MECOM: variants seen among roughly 807,000 people sequenced by gnomAD.
The protein encoded by MECOM is MDS1 and EVI1 complex locus.
A neutral mutation model predicts 116.3 loss-of-function variants in MECOM; 13 were observed. That is an observed-to-expected ratio of 0.11 (90% CI 0.07 to 0.18). The LOEUF is 0.18. Ranked by LOEUF, MECOM falls within the 10% of genes least tolerant of loss-of-function variation. The pLI, the probability that MECOM is intolerant of heterozygous loss-of-function variation, is 1.00. For missense variants in MECOM, 1,299 were observed against 1,509.0 expected, an observed-to-expected ratio of 0.86 and a Z score of 2.31; for synonymous variants, 528 against 535.2, an observed-to-expected ratio of 0.99 and a Z score of 0.19.
At chr3:169,536,122 T>C (rs1336752603) in intron 1 of MECOM, among the ~76,000 whole-genome samples, 1 of 152,148 alleles carries the variant, frequency 6.6e-6, no homozygotes, top group African/African-American at 2.4e-5. Flanking sequence ...CCTTGTTCTG[T>C]GCCTTGCCTT....
At chr3:169,197,764 G>C (rs1466411362) in intron 2 of MECOM, among the ~76,000 whole-genome samples, 2 of 151,880 alleles carry the variant, frequency 1.3e-5, no homozygotes, top group Non-Finnish European at 2.9e-5. Flanking sequence ...AAAGAATAAG[G>C]GTTAAAGATT....
intron 2 of MECOM, among the ~76,000 whole-genome samples, chr3:169,200,756 G>A (rs749272630): frequency 1.6e-4 from 24 of 151,924 alleles, no homozygotes; most frequent in African/African-American, 3.1e-4. Flanking sequence ...CTATCTGCCC[G>A]GGACTGAGCT....
chr3:169,298,426 T>C (rs1716053090), intron 2 of MECOM, among the ~76,000 whole-genome samples: 1 of 151,852 alleles, frequency 6.6e-6, no homozygotes, highest in African/African-American at 2.4e-5. Context: ...TTTATATTGA[T>C]AACATTTCAT....
chr3:169,564,260 A>G (rs942105277), intron 1 of MECOM, among the ~76,000 whole-genome samples: 4 of 152,222 alleles, frequency 2.6e-5, no homozygotes, highest in Non-Finnish European at 1.5e-5. Flanking sequence ...TGTCACATAT[A>G]TGAACCAGCC....
At position 169,516,772 on chromosome 3, in the gene MECOM, G is replaced by A. The variant is rs534461847; in HGVS notation, c.38-135248C>T. Among the ~76,000 whole-genome samples the A allele has an allele frequency of 3.0e-4, 45 of 152,254 alleles. 1 individual carries two copies. In the East Asian group the frequency reaches 4.2e-3, roughly 14 times the overall value. On this transcript the variant is annotated intron_variant, in intron 1 of 16. Transcript: ENST00000651503. ...TTTCCAAAGTCAAATAGATATGAGCGTCTTCCTGGGGAATTCATATTTTCC... is the reference window on the plus strand; with the variant it reads ...TTTCCAAAGTCAAATAGATATGAGCATCTTCCTGGGGAATTCATATTTTCC...
chr3:169,259,947 C>A (rs1162539142), intron 2 of MECOM, among the ~76,000 whole-genome samples: 4 of 152,080 alleles, frequency 2.6e-5, no homozygotes, highest in Admixed American at 2.6e-4. Flanking sequence ...TCTTTCTGAC[C>A]CAGTTTCCTC....
intron 1 of MECOM, among the ~76,000 whole-genome samples, chr3:169,470,820 AAAAAAATGTCT>A (rs1306165823): frequency 6.6e-6 from 1 of 152,226 alleles, no homozygotes; most frequent in African/African-American, 2.4e-5. Context: ...TACAGGTTAA[AAAAAAATGTCT>A]ATTTTAAAGA....
intron 1 of MECOM, among the ~76,000 whole-genome samples, chr3:169,653,808 C>T (rs559556961): frequency 2.6e-5 from 4 of 152,278 alleles, no homozygotes; most frequent in Non-Finnish European, 5.9e-5. Context: ...GAAACTGAGG[C>T]ACAAAAAGGT....
chr3:169,519,092 T>C (rs1757049691), intron 1 of MECOM, among the ~76,000 whole-genome samples: 1 of 152,254 alleles, frequency 6.6e-6, no homozygotes, highest in East Asian at 1.9e-4. Context: ...ACTTTTCTGT[T>C]TCCTTTCTAC....
intron 1 of MECOM, among the ~76,000 whole-genome samples, chr3:169,425,056 G>A (rs1002463322): frequency 1.3e-5 from 2 of 151,338 alleles, no homozygotes; most frequent in African/African-American, 4.9e-5. Flanking sequence ...AAGCTAAATC[G>A]AGGGAAAAGA....
rs560884294 is a variant in MECOM, at chr3:169,545,534, C to T, written c.37+117802G>A. ...ACAACATCAGTGAACTCTTTCTACC[C>T]TAAGTTTGTAATAATTAAATGAATA... On this transcript the variant is annotated intron_variant, in intron 1 of 16. Transcript: ENST00000651503. 3.3e-5 allele frequency among the ~76,000 whole-genome samples: 5 copies of T among 152,338 alleles called. No homozygotes were observed. The East Asian group carries it at 7.7e-4, about 23-fold the overall frequency.
intron 2 of MECOM, among the ~76,000 whole-genome samples, chr3:169,192,493 C>T (rs535923877): frequency 6.6e-6 from 1 of 151,912 alleles, no homozygotes; most frequent in African/African-American, 2.4e-5. Context: ...GTGCTATGTT[C>T]TATTATCCTA....
At chr3:169,390,964 A>T (rs1734105820) in intron 1 of MECOM, among the ~76,000 whole-genome samples, 1 of 152,232 alleles carries the variant, frequency 6.6e-6, no homozygotes, top group South Asian at 2.1e-4. Context: ...ATGCAGGAGA[A>T]CTGGATAAAC....
intron 2 of MECOM, among the ~76,000 whole-genome samples, chr3:169,274,795 T>A (rs548875141): frequency 1.3e-5 from 2 of 152,328 alleles, no homozygotes; most frequent in Admixed American, 1.3e-4. Context: ...AACTACCACA[T>A]TGAACAGTGC....
chr3:169,656,753 A>G (rs1052305840), intron 1 of MECOM, among the ~76,000 whole-genome samples: 16 of 152,188 alleles, frequency 1.1e-4, no homozygotes, highest in Non-Finnish European at 1.9e-4. Context: ...CATTCTTTCT[A>G]ATAACATTGT....
At chr3:169,388,181 T>C (rs531504214) in intron 1 of MECOM, among the ~76,000 whole-genome samples, 1 of 152,138 alleles carries the variant, frequency 6.6e-6, no homozygotes, top group South Asian at 2.1e-4. Flanking sequence ...GTCCATGAGC[T>C]GATGCCTGCT....
chr3:169,214,992 A>G (rs1166552896), intron 2 of MECOM, among the ~76,000 whole-genome samples: 1 of 150,202 alleles, frequency 6.7e-6, no homozygotes, highest in East Asian at 1.9e-4. Context: ...TTAGAAAACT[A>G]AAAGCCTAAA....
intron 1 of MECOM, among the ~76,000 whole-genome samples, chr3:169,549,634 A>AGG (rs1477604438): frequency 2.0e-5 from 3 of 152,170 alleles, no homozygotes; most frequent in African/African-American, 7.2e-5. Context: ...TCGATTCTTC[A>AGG]TCTGCCTGAG....
chr3:169,298,023 T>C (rs1715965884), intron 2 of MECOM, among the ~76,000 whole-genome samples: 1 of 152,166 alleles, frequency 6.6e-6, no homozygotes. Flanking sequence ...AAAAACTGAT[T>C]ATACATCATC....
Sources: allele counts gnomAD v4.1 joint callset (sites outside exome capture counted in the v4.1 genomes callset), GRCh38; gene constraint gnomAD v4.1.1; transcripts MANE v1.5; gene names NCBI Gene and HGNC (gene_info 2026-07-23, HGNC 2026-07-21).